Variants in TEAD1 observed in about 807,000 individuals in gnomAD.
TEAD1 encodes the protein transcriptional enhancer factor TEF-1.
Under a neutral mutation model 54.9 loss-of-function variants are expected in TEAD1, and 9 were observed. The ratio of observed to expected loss-of-function variants is 0.16; its 90% confidence interval spans 0.10 to 0.29. The LOEUF is 0.29. TEAD1 is among the 10% of genes least tolerant of loss of function. TEAD1 has a pLI of 1.00. For synonymous variants in TEAD1, 200 were observed against 187.8 expected (o/e 1.07, Z -0.53); for missense variants, 387 against 535.9 (o/e 0.72, Z 2.74).
intron 2 of TEAD1, among the ~76,000 whole-genome samples, chr11:12,695,523 C>G (rs1943562270): frequency 6.6e-6 from 1 of 152,016 alleles, no homozygotes. Context: ...GTCTCTAGAC[C>G]AAGTTGTTCG....
intron 12 of TEAD1, among the ~76,000 whole-genome samples, chr11:12,930,944 G>A (rs143977684): frequency 6.6e-6 from 1 of 152,316 alleles, no homozygotes; most frequent in Non-Finnish European, 1.5e-5. Context: ...CAGTGACCAG[G>A]AGGAGGAAAA....
intron 2 of TEAD1, among the ~76,000 whole-genome samples, chr11:12,762,417 C>T (rs1245767851): frequency 1.3e-5 from 2 of 152,172 alleles, no homozygotes; most frequent in African/African-American, 4.8e-5. Flanking sequence ...TCAAAAGGCC[C>T]ACACCGCAGG....
At chr11:12,928,837 ATG>A (rs1948953725) in intron 11 of TEAD1, among the ~76,000 whole-genome samples, 1 of 152,208 alleles carries the variant, frequency 6.6e-6, no homozygotes, top group Admixed American at 6.5e-5. Flanking sequence ...GCTAATTAAC[ATG>A]TATTACCTCA....
At chr11:12,876,637 T>A (rs963596536) in intron 5 of TEAD1, among the ~76,000 whole-genome samples, 1 of 152,172 alleles carries the variant, frequency 6.6e-6, no homozygotes, top group African/African-American at 2.4e-5. Context: ...CCAGAGAAGT[T>A]GTAAGGCTTG....
intron 3 of TEAD1, among the ~76,000 whole-genome samples, chr11:12,842,271 C>T (rs903878724): frequency 6.6e-6 from 1 of 152,148 alleles, no homozygotes; most frequent in Non-Finnish European, 1.5e-5. Flanking sequence ...TCACTTTTGA[C>T]CAAACCACCG....
intron 2 of TEAD1, among the ~76,000 whole-genome samples, chr11:12,750,139 C>T (rs1260259457): frequency 6.6e-6 from 1 of 152,150 alleles, no homozygotes; most frequent in South Asian, 2.1e-4. Context: ...TGCATTAGCT[C>T]GTGTCGGCAT....
intron 2 of TEAD1, among the ~76,000 whole-genome samples, chr11:12,681,679 T>C (rs1055902175): frequency 3.3e-5 from 5 of 152,260 alleles, no homozygotes; most frequent in African/African-American, 9.6e-5. Context: ...TCATCACCCA[T>C]GTGACCCTCA....
intron 3 of TEAD1, among the ~76,000 whole-genome samples, chr11:12,856,596 G>T (rs76851052): frequency 6.6e-6 from 1 of 152,158 alleles, no homozygotes; most frequent in Non-Finnish European, 1.5e-5. Context: ...TGGGCTGAGC[G>T]GGGTGGGGGG....
At chr11:12,832,649 C>A (rs1946805820) in intron 3 of TEAD1, among the ~76,000 whole-genome samples, 1 of 152,290 alleles carries the variant, frequency 6.6e-6, no homozygotes, top group Non-Finnish European at 1.5e-5. Flanking sequence ...ATTTAAGAAC[C>A]ATTTGATTCT....
rs372268851 is a variant in TEAD1 at position 12,935,441 on chromosome 11, ATTAT to A, written c.1168-1637_1168-1634del. On this transcript the variant is annotated intron_variant, in intron 12 of 12. Transcript: ENST00000527636. ...GATGTGAATTTTCATTCATTCAGCAATTATTTATTTATTTATTTATTTATTTATT... is the reference window on the plus strand; with the variant it reads ...GATGTGAATTTTCATTCATTCAGCAATTATTTATTTATTTATTTATTTATT... 5.0e-3 allele frequency among the ~76,000 whole-genome samples: 741 copies of A among 149,640 alleles called. 3 individuals carry two copies. Among genetic ancestry groups the A allele is most frequent in the African/African-American group, 0.015 (598 of 39,776 alleles).
chr11:12,899,157 T>C (rs966727513), intron 9 of TEAD1, among the ~76,000 whole-genome samples: 3 of 152,210 alleles, frequency 2.0e-5, no homozygotes, highest in African/African-American at 7.2e-5. Context: ...TTGTATCTCA[T>C]GCCTTCCATA....
At chr11:12,736,981 A>G (rs577924651) in intron 2 of TEAD1, among the ~76,000 whole-genome samples, 59 of 152,200 alleles carry the variant, frequency 3.9e-4, no homozygotes, top group Admixed American at 5.9e-4. Flanking sequence ...ATAGTCAATA[A>G]TACTTTATGG....
rs374150379 is a variant in TEAD1, at chr11:12,758,489, C to T, written c.-54-5690C>T. Among the ~76,000 whole-genome samples the T allele has an allele frequency of 4.7e-5, 7 of 148,380 alleles. No individual in the cohort carries two copies. The South Asian group carries it at 8.6e-4, about 18-fold the overall frequency. ...GCAGTGGCGCAATCTCAGCTTACTG[C>T]AAGCTCCACCTCCCAGGTTCACGCC... On this transcript the variant is annotated intron_variant, in intron 2 of 12. Coordinates refer to ENST00000527636, the MANE Select transcript of TEAD1 (RefSeq NM_021961.6).
chr11:12,872,014 C>T (rs1002547509), intron 5 of TEAD1, among the ~76,000 whole-genome samples: 3 of 152,156 alleles, frequency 2.0e-5, no homozygotes, highest in Non-Finnish European at 4.4e-5. Flanking sequence ...TTCTTGTTCT[C>T]GCCCTGGTGG....
chr11:12,868,013 G>A (rs1947658760), intron 5 of TEAD1, among the ~76,000 whole-genome samples: 1 of 152,136 alleles, frequency 6.6e-6, no homozygotes, highest in African/African-American at 2.4e-5. Context: ...GACGTCGAAG[G>A]GGTAGACAAA....
intron 3 of TEAD1, among the ~76,000 whole-genome samples, chr11:12,784,355 A>C (rs1250870311): frequency 2.0e-5 from 3 of 152,190 alleles, no homozygotes; most frequent in Non-Finnish European, 4.4e-5. Flanking sequence ...GGAGGGCGCC[A>C]GCAGGCACTG....
chr11:12,808,458 C>T (rs1009156834), intron 3 of TEAD1, among the ~76,000 whole-genome samples: 3 of 152,132 alleles, frequency 2.0e-5, no homozygotes, highest in African/African-American at 7.2e-5. Flanking sequence ...CTGTGCCTTC[C>T]TCTTCGCTAA....
chr11:12,727,010 C>T (rs1420736943), intron 2 of TEAD1, among the ~76,000 whole-genome samples: 1 of 151,974 alleles, frequency 6.6e-6, no homozygotes, highest in Admixed American at 6.5e-5. Flanking sequence ...GAGCCTGAGG[C>T]GGGCAGATCA....
intron 3 of TEAD1, among the ~76,000 whole-genome samples, chr11:12,803,826 G>GATGGGAAACTGGGC (rs1272392870): frequency 1.3e-5 from 2 of 152,186 alleles, no homozygotes; most frequent in African/African-American, 4.8e-5. Context: ...GGGTTCCAAG[G>GATGGGAAACTGGGC]AGTCGTTGCC....
Sources: gnomAD v4.1 joint callset for allele counts (sites outside exome capture counted in the v4.1 genomes callset) on GRCh38, gnomAD v4.1.1 for gene constraint, MANE v1.5 for transcripts, NCBI Gene and HGNC (gene_info 2026-07-23, HGNC 2026-07-21) for gene names.